The following NTM variants were observed in gnomAD, a reference collection of about 807,000 sequenced individuals.
The protein encoded by NTM is IgLON family member 2.
A neutral mutation model predicts 42.1 loss-of-function variants in NTM; 13 were observed. The observed-to-expected ratio is 0.31, with a 90% CI of 0.20 to 0.49. NTM has a LOEUF of 0.49. Among genes scored for constraint, NTM ranks in the 20% least tolerant of loss-of-function variants. The probability of loss-of-function intolerance (pLI) is 0.99; values close to 1 mark genes in which losing one functional copy is unlikely to be tolerated. For missense variants in NTM, 373 were observed against 452.8 expected, an observed-to-expected ratio of 0.82 and a Z score of 1.60; for synonymous variants, 187 against 179.2, an observed-to-expected ratio of 1.04 and a Z score of -0.35.
intron 1 of NTM, among the ~76,000 whole-genome samples, chr11:131,702,065 C>T (rs2076130726): frequency 6.6e-6 from 1 of 152,130 alleles, no homozygotes; most frequent in Non-Finnish European, 1.5e-5. Flanking sequence ...CTCAGATGCT[C>T]ACAAATAGCC....
At chr11:131,977,640 G>A (rs1328053798) in intron 2 of NTM, among the ~76,000 whole-genome samples, 1 of 152,174 alleles carries the variant, frequency 6.6e-6, no homozygotes, top group African/African-American at 2.4e-5. Context: ...AAAGGCTTAC[G>A]TAAATATAGC....
rs2061174643 is a variant in NTM at position 131,952,926 on chromosome 11, A to G, written c.167+41278A>G. Reference sequence around the variant, plus strand: ...AGAACAGAAAGGAAAGGCACCTTAGAGACATTTTGCTGTTGTTATTCTGAT... The same window carrying G: ...AGAACAGAAAGGAAAGGCACCTTAGGGACATTTTGCTGTTGTTATTCTGAT... On this transcript the variant is annotated intron_variant, in intron 2 of 8. Coordinates refer to ENST00000683400, the MANE Select transcript of NTM (RefSeq NM_001352005.2). Among the ~76,000 whole-genome samples the G allele has an allele frequency of 2.0e-5, 3 of 152,284 alleles. No individual in the cohort carries two copies. In the South Asian group the frequency reaches 6.2e-4, roughly 32 times the overall value.
At chr11:131,935,291 C>T (rs948277954) in intron 2 of NTM, among the ~76,000 whole-genome samples, 4 of 152,164 alleles carry the variant, frequency 2.6e-5, no homozygotes, top group South Asian at 2.1e-4. Flanking sequence ...TGCCACATTA[C>T]TACTTTGAAT....
At chr11:131,474,545 C>A (rs997633441) in intron 1 of NTM, among the ~76,000 whole-genome samples, 5 of 152,106 alleles carry the variant, frequency 3.3e-5, no homozygotes, top group African/African-American at 1.2e-4. Context: ...CTCTTTATAT[C>A]CAGCATCTCA....
intron 2 of NTM, among the ~76,000 whole-genome samples, chr11:131,994,607 T>A (rs1312464735): frequency 3.3e-5 from 5 of 152,200 alleles, no homozygotes; most frequent in Non-Finnish European, 5.9e-5. Context: ...TGTTTTTTTA[T>A]ATGCTCGTAT....
intron 1 of NTM, among the ~76,000 whole-genome samples, chr11:131,679,515 A>G (rs1021672416): frequency 1.3e-5 from 2 of 151,932 alleles, no homozygotes; most frequent in East Asian, 3.9e-4. Flanking sequence ...CTGGGCGTGG[A>G]CACAGAAGTG....
chr11:131,989,458 T>C (rs79968822), intron 2 of NTM, among the ~76,000 whole-genome samples: 3 of 152,300 alleles, frequency 2.0e-5, no homozygotes, highest in South Asian at 4.1e-4. Context: ...AACGAACTCA[T>C]AGGAATTATT....
chr11:131,441,304 G>A (rs2135978245), intron 1 of NTM, among the ~76,000 whole-genome samples: 1 of 152,316 alleles, frequency 6.6e-6, no homozygotes, highest in East Asian at 1.9e-4. Context: ...GCTGAGGGAG[G>A]AATGCTTCCC....
chr11:131,885,739 C>A (rs1256404211), intron 1 of NTM, among the ~76,000 whole-genome samples: 1 of 152,224 alleles, frequency 6.6e-6, no homozygotes, highest in Non-Finnish European at 1.5e-5. Flanking sequence ...TATGGAATAA[C>A]TAGATACATT....
At chr11:131,753,743 G>A (rs1244768270) in intron 1 of NTM, among the ~76,000 whole-genome samples, 1 of 151,546 alleles carries the variant, frequency 6.6e-6, no homozygotes, top group Non-Finnish European at 1.5e-5. Flanking sequence ...GGACTGTTGT[G>A]GGGTGGTTGG....
At chr11:131,873,562 C>T (rs992139577) in intron 1 of NTM, among the ~76,000 whole-genome samples, 1 of 33,118 alleles carries the variant, frequency 3.0e-5, no homozygotes, top group Non-Finnish European at 6.9e-5. Context: ...ATATATATAC[C>T]GTATATATAT....
At chr11:131,463,977 A>G (rs1426472459) in intron 1 of NTM, among the ~76,000 whole-genome samples, 1 of 152,272 alleles carries the variant, frequency 6.6e-6, no homozygotes, top group Non-Finnish European at 1.5e-5. Flanking sequence ...AGCACGAGCC[A>G]TAATTAAAGT....
intron 1 of NTM, among the ~76,000 whole-genome samples, chr11:131,799,538 C>T (rs535497266): frequency 6.6e-6 from 1 of 152,280 alleles, no homozygotes; most frequent in African/African-American, 2.4e-5. Flanking sequence ...TTCAAGGCCC[C>T]TGAAGATCAC....
intron 1 of NTM, among the ~76,000 whole-genome samples, chr11:131,743,168 TAAC>T: frequency 6.6e-6 from 1 of 152,286 alleles, no homozygotes; most frequent in African/African-American, 2.4e-5. Flanking sequence ...CACAAAGACT[TAAC>T]AAGTTGTTTC....
intron 4 of NTM, among the ~76,000 whole-genome samples, chr11:132,217,176 C>A (rs1241825817): frequency 6.6e-6 from 1 of 152,146 alleles, no homozygotes; most frequent in Non-Finnish European, 1.5e-5. Flanking sequence ...GACTCCCAAC[C>A]ACTATTTCCT....
At chr11:131,935,416 C>T (rs541244031) in intron 2 of NTM, among the ~76,000 whole-genome samples, 8 of 152,186 alleles carry the variant, frequency 5.3e-5, no homozygotes, top group South Asian at 2.1e-4. Flanking sequence ...CTTATGAGAT[C>T]GGGATTGATT....
intron 4 of NTM, among the ~76,000 whole-genome samples, chr11:132,300,681 G>A (rs1245163144): frequency 6.6e-6 from 1 of 152,188 alleles, no homozygotes; most frequent in Non-Finnish European, 1.5e-5. Context: ...TAGCTCCCAT[G>A]TCCCCAGCCT....
intron 1 of NTM, chr11:131,539,554 G>A (rs1475070864): frequency 6.6e-6 from 1 of 152,254 alleles, no homozygotes; most frequent in Non-Finnish European, 1.5e-5. Flanking sequence ...CACAGATAGT[G>A]CCGTGATGGC....
chr11:131,888,728 A>C (rs2050782152), intron 1 of NTM, among the ~76,000 whole-genome samples: 1 of 152,128 alleles, frequency 6.6e-6, no homozygotes, highest in African/African-American at 2.4e-5. Context: ...ATAGCAGAAC[A>C]ATTGCTCATC....
Sources: gnomAD v4.1 joint callset for allele counts (sites outside exome capture counted in the v4.1 genomes callset) on GRCh38, gnomAD v4.1.1 for gene constraint, MANE v1.5 for transcripts, NCBI Gene and HGNC (gene_info 2026-07-23, HGNC 2026-07-21) for gene names.